Variants in SCD5 observed in about 807,000 individuals in gnomAD.
The protein encoded by SCD5 is stearoyl-CoA desaturase 5, also known as acyl-CoA-desaturase 4.
Under a neutral mutation model 30.4 loss-of-function variants are expected in SCD5, and 20 were observed. The ratio of observed to expected loss-of-function variants is 0.66; its 90% CI spans 0.46 to 0.96. The LOEUF is 0.96. Ranked by LOEUF, SCD5 falls within the 40% of genes least tolerant of loss-of-function variation. The pLI is 0.00. For synonymous variants in SCD5, 173 were observed against 176.4 expected (o/e 0.98, Z 0.16); for missense variants, 381 against 443.3 (o/e 0.86, Z 1.26).
chr4:82,785,518 T>C (rs558190154), intron 1 of SCD5, among the ~76,000 whole-genome samples: 2 of 152,370 alleles, frequency 1.3e-5, no homozygotes, highest in Admixed American at 6.5e-5. Context: ...TATGTAAGCC[T>C]GAATGCAAAG....
chr4:82,726,589 A>C (rs1469068290), intron 1 of SCD5, among the ~76,000 whole-genome samples: 1 of 151,472 alleles, frequency 6.6e-6, no homozygotes, highest in African/African-American at 2.4e-5. Context: ...GACCTGCACT[A>C]AGTAATATAA....
intron 1 of SCD5, among the ~76,000 whole-genome samples, chr4:82,722,934 G>A (rs540302580): frequency 1.1e-4 from 16 of 150,586 alleles, no homozygotes; most frequent in Admixed American, 2.7e-4. Flanking sequence ...AAAACTAGCC[G>A]GGCATAGTGG....
At chr4:82,700,570 C>A (rs1199162785) in intron 2 of SCD5, among the ~76,000 whole-genome samples, 1 of 151,770 alleles carries the variant, frequency 6.6e-6, no homozygotes, top group Non-Finnish European at 1.5e-5. Flanking sequence ...AGAGAAAAAT[C>A]CACCCACCTA....
rs115909014 is a variant in SCD5, at chr4:82,639,531, G to A, written c.570-2708C>T. Among the ~76,000 whole-genome samples the A allele has an allele frequency of 7.3e-3, 1,114 of 152,362 alleles. 15 individuals are homozygous for A. Among genetic ancestry groups the A allele is most frequent in the African/African-American group, 0.025 (1,059 of 41,586 alleles). ...GGAGCCCCTGGGAGGGCAAATGCTT[G>A]GGCGAGGCAGCTCTCTGTGGCCAAG... On this transcript the variant is annotated intron_variant, in intron 3 of 4. Transcript: ENST00000319540.
chr4:82,703,553 C>T (rs1719903885), intron 2 of SCD5, among the ~76,000 whole-genome samples: 1 of 152,132 alleles, frequency 6.6e-6, no homozygotes, highest in African/African-American at 2.4e-5. Flanking sequence ...ATTCTAGGAC[C>T]TGGGTACTTC....
In SCD5 at chr4:82,712,258, A is replaced by ACATATG. The variant is rs1304418603; in HGVS notation, c.233-6846_233-6845insCATATG. Among the ~76,000 whole-genome samples, 69 of 34,422 alleles carry ACATATG rather than the reference A, an allele frequency of 2.0e-3. 4 individuals carry two copies. Among genetic ancestry groups the ACATATG allele is most frequent in the African/African-American group, 0.012 (65 of 5,338 alleles). The allele number at this position is 34,422 out of a possible 152,430, so 22.6% of individuals were successfully genotyped here. On this transcript the variant is annotated intron_variant, in intron 1 of 4. Transcript: ENST00000319540. ...GACCAACTAACATATATATATATAT[A>ACATATG]TATATATATATATATATATATATAT...
chr4:82,734,961 G>A (rs893173155), intron 1 of SCD5, among the ~76,000 whole-genome samples: 14 of 151,638 alleles, frequency 9.2e-5, no homozygotes, highest in African/African-American at 3.4e-4. Context: ...TAGAGATGGG[G>A]TTTCATCATG....
At chr4:82,678,049 T>C (rs931110024) in intron 3 of SCD5, among the ~76,000 whole-genome samples, 7 of 151,972 alleles carry the variant, frequency 4.6e-5, no homozygotes, top group African/African-American at 1.7e-4. Flanking sequence ...CCTTAATCAT[T>C]CTGGGGCTAG....
chr4:82,697,647 G>A (rs916967232), intron 2 of SCD5, among the ~76,000 whole-genome samples: 2 of 152,102 alleles, frequency 1.3e-5, no homozygotes, highest in East Asian at 1.9e-4. Context: ...ACCTTAATAG[G>A]TTCATTTTTG....
At chr4:82,685,661 G>A (rs1578020661) in intron 2 of SCD5, among the ~76,000 whole-genome samples, 1 of 906 alleles carries the variant, frequency 1.1e-3, no homozygotes, top group Non-Finnish European at 2.1e-3. Context: ...TGCAGTGAGC[G>A]AGATCACACC....
At chr4:82,682,517 C>T (rs970048603) in intron 2 of SCD5, among the ~76,000 whole-genome samples, 13 of 151,928 alleles carry the variant, frequency 8.6e-5, no homozygotes, top group Non-Finnish European at 1.9e-4. Context: ...ATTACATTAG[C>T]CTTTTCTGAT....
chr4:82,716,428 AATAC>A (rs1440561247), intron 1 of SCD5, among the ~76,000 whole-genome samples: 3 of 151,910 alleles, frequency 2.0e-5, no homozygotes, highest in Admixed American at 2.0e-4. Context: ...CTTAAGTGAA[AATAC>A]ATACAGTCAG....
chr4:82,656,311 G>A (rs1727867471), intron 3 of SCD5, among the ~76,000 whole-genome samples: 2 of 151,990 alleles, frequency 1.3e-5, no homozygotes, highest in South Asian at 4.2e-4. Context: ...TGTCCATGTG[G>A]TTTCATTGCT....
At position 82,658,630 on chromosome 4, in the gene SCD5, CTTT is replaced by C. The variant is rs57727794; in HGVS notation, c.570-21810_570-21808del. The stretch of plus-strand genomic sequence containing the variant: ...TACAAGTGTGTGCTACCACACCTGG[CTTT>C]TTTTTTTTTTTTTTTTTTTTTTTGT... On this transcript the variant is annotated intron_variant, in intron 3 of 4. Transcript: ENST00000319540. Among the ~76,000 whole-genome samples, 17 of 116,940 alleles carry C rather than the reference CTTT, an allele frequency of 1.5e-4. No individual in the cohort carries two copies. In the East Asian group the frequency reaches 3.8e-3, roughly 26 times the overall value. 76.7% of individuals were successfully genotyped at this position (116,940 alleles called of 152,430 possible).
At chr4:82,741,099 ATT>A (rs34852290) in intron 1 of SCD5, among the ~76,000 whole-genome samples, 76,255 of 138,816 alleles carry the variant, frequency 0.55, 23,227 homozygotes, top group Non-Finnish European at 0.7. Context: ...GTGCCAGCTA[ATT>A]TTTTTTTTTT....
At chr4:82,738,221 C>T (rs559909271) in intron 1 of SCD5, among the ~76,000 whole-genome samples, 1 of 152,292 alleles carries the variant, frequency 6.6e-6, no homozygotes, top group South Asian at 2.1e-4. Context: ...GAGACGGAGA[C>T]TGACCATCCT....
chr4:82,734,834 G>A (rs906697160), intron 1 of SCD5, among the ~76,000 whole-genome samples: 6 of 149,560 alleles, frequency 4.0e-5, no homozygotes, highest in African/African-American at 1.2e-4. Context: ...GCACGTTCTC[G>A]GCTCACTGCA....
At chr4:82,683,917 C>T (rs1728635300) in intron 2 of SCD5, among the ~76,000 whole-genome samples, 1 of 152,170 alleles carries the variant, frequency 6.6e-6, no homozygotes, top group Admixed American at 6.5e-5. Flanking sequence ...TCAATTAAAC[C>T]TCTTTTCTTT....
chr4:82,656,624 G>A (rs1397289024), intron 3 of SCD5, among the ~76,000 whole-genome samples: 1 of 152,168 alleles, frequency 6.6e-6, no homozygotes, highest in Non-Finnish European at 1.5e-5. Flanking sequence ...CCTGTAATGG[G>A]ATTGCTGGGC....
Sources: allele counts gnomAD v4.1 joint callset (sites outside exome capture counted in the v4.1 genomes callset), GRCh38; gene constraint gnomAD v4.1.1; transcripts MANE v1.5; gene names NCBI Gene and HGNC (gene_info 2026-07-23, HGNC 2026-07-21).